The following PANK1 variants were observed in gnomAD, a reference collection of about 807,000 sequenced individuals.
The protein encoded by PANK1 is pantothenic acid kinase 1.
PANK1 carries 18 observed loss-of-function variants against 40.1 expected under a neutral mutation model. The observed-to-expected ratio is 0.45, with a 90% confidence interval of 0.31 to 0.67. The LOEUF is 0.67. PANK1 is among the 30% of genes least tolerant of loss of function. PANK1 has a pLI of 0.06. For missense variants in PANK1, 457 were observed against 599.6 expected, an observed-to-expected ratio of 0.76 and a Z score of 2.48; for synonymous variants, 242 against 237.7, an observed-to-expected ratio of 1.02 and a Z score of -0.17.
chr10:89,601,299 A>G (rs1207594381), intron 2 of PANK1, among the ~76,000 whole-genome samples: 2 of 134,298 alleles, frequency 1.5e-5, no homozygotes, highest in Non-Finnish European at 1.6e-5. Flanking sequence ...ATATACGGAG[A>G]CCCATCTCTT....
intron 5 of PANK1, among the ~76,000 whole-genome samples, chr10:89,592,155 C>T (rs995439768): frequency 2.6e-5 from 4 of 152,172 alleles, no homozygotes; most frequent in Admixed American, 6.5e-5. Context: ...ATTTAAACTC[C>T]GTCTGAACTG....
Position 89,643,665 on chromosome 10 carries a change from T to C in PANK1, c.292+935A>G, listed in dbSNP as rs760228531. 6 of 1,526,554 alleles carry C rather than the reference T, an allele frequency of 3.9e-6. No individual in the cohort carries two copies. The African/African-American group carries it at 8.2e-5, about 21-fold the overall frequency. 94.6% of individuals were successfully genotyped at this position (1,526,554 alleles called of 1,614,324 possible). ...TCGAACAGCATAACCTCTATGCAAA[T>C]GCAGTCATTTATTAGCATTTACTGT... On this transcript the variant is annotated intron_variant, in intron 1 of 6. Coordinates refer to ENST00000307534, the MANE Select transcript of PANK1 (RefSeq NM_148977.3).
At chr10:89,602,262 A>G (rs1207025155) in intron 2 of PANK1, among the ~76,000 whole-genome samples, 1 of 152,168 alleles carries the variant, frequency 6.6e-6, no homozygotes, top group Admixed American at 6.5e-5. Flanking sequence ...GTACTAGAAA[A>G]GAAACATCAT....
rs751662833 is a variant in PANK1, at chr10:89,592,575, T to C, written c.1200+622A>G. Among the ~76,000 whole-genome samples the C allele has an allele frequency of 3.9e-4, 60 of 152,240 alleles. 1 individual carries two copies. Among genetic ancestry groups the C allele is most frequent in the Admixed American group, 5.2e-4 (8 of 15,280 alleles). On this transcript the variant is annotated intron_variant, in intron 5 of 6. Coordinates refer to ENST00000307534, the MANE Select transcript of PANK1 (RefSeq NM_148977.3). Reference sequence around the variant, plus strand: ...CAACTCCTCTTTCCTGTCTTTCTAATATACCTCAGTGTGAAGAGTTCTACT... The same window carrying C: ...CAACTCCTCTTTCCTGTCTTTCTAACATACCTCAGTGTGAAGAGTTCTACT...
Position 89,644,657 on chromosome 10 carries a change from G to C in PANK1, c.235C>G (p.Pro79Ala), listed in dbSNP as rs1241658808. The change falls in exon 1 of 7, where the codon CCG (proline) becomes GCG (alanine). Residue 79 changes from proline (P) to alanine (A), a missense_variant. Around this residue, in one of 4 missense-constraint regions of PANK1, gnomAD observed 144 missense variants for 131.2 expected, o/e 1.10. Transcript: ENST00000307534. ...CTCCGCAGCCGGCATTTCTTGGCCG[G>C]GGAGTCATGCTGAGGGAGCAGTGGC... ...PQPLLPQHDS[P>A]AKKCRLRRRM... 98 of 1,578,636 alleles carry C rather than the reference G, an allele frequency of 6.2e-5. No homozygotes were observed. The highest frequency in any genetic ancestry group is 8.1e-5 in the Non-Finnish European group (95 of 1,168,406).
Position 89,607,727 on chromosome 10 carries a change from A to C in PANK1, c.645+3969T>G, listed in dbSNP as rs112428118. On this transcript the variant is annotated intron_variant, in intron 2 of 6. Transcript: ENST00000307534. ...AAGTTAGGAAGTGTGGTTGGGAATA[A>C]AAATACTAGAATCTGTACATAAAAT... 4.3e-3 allele frequency among the ~76,000 whole-genome samples: 648 copies of C among 152,354 alleles called. 1 individual carries two copies. Among genetic ancestry groups the C allele is most frequent in the African/African-American group, 0.015 (606 of 41,578 alleles).
chr10:89,643,789 T>C (rs1289602001), intron 1 of PANK1: 1 of 1,610,070 alleles, frequency 6.2e-7, no homozygotes, highest in Non-Finnish European at 8.5e-7. Flanking sequence ...AGCTGTAAAC[T>C]CGACCTACAA....
At chr10:89,633,179 A>G (rs890261899) in intron 1 of PANK1, among the ~76,000 whole-genome samples, 1 of 152,142 alleles carries the variant, frequency 6.6e-6, no homozygotes, top group Non-Finnish European at 1.5e-5. Flanking sequence ...AGTTATCAGC[A>G]TAAGGATACT....
chr10:89,593,342 G>A (rs758636365), intron 4 of PANK1, 22 bp from the exon 5 acceptor site: 2 of 1,611,816 alleles, frequency 1.2e-6, no homozygotes, highest in South Asian at 2.2e-5. Context: ...ATATCAGCGA[G>A]AGTGTTCAAA....
chr10:89,581,426 ATTTT>A (rs1421699616), downstream of PANK1: 3 of 111,892 alleles, frequency 2.7e-5, no homozygotes, highest in African/African-American at 7.8e-5. Context: ...TTATTTATTT[ATTTT>A]ATTTTTTTGA....
chr10:89,622,784 C>T (rs1395914289), intron 1 of PANK1, among the ~76,000 whole-genome samples: 1 of 151,372 alleles, frequency 6.6e-6, no homozygotes, highest in East Asian at 1.9e-4. Context: ...TTGCAGTGAG[C>T]TGAGGTCGTG....
intron 2 of PANK1, among the ~76,000 whole-genome samples, chr10:89,604,075 C>A (rs1053845400): frequency 1.3e-5 from 2 of 152,042 alleles, no homozygotes; most frequent in African/African-American, 4.8e-5. Context: ...ATAAGAAAAG[C>A]CAATTCTTAA....
intron 1 of PANK1, among the ~76,000 whole-genome samples, chr10:89,620,071 C>A (rs528565120): frequency 1.3e-5 from 2 of 152,034 alleles, no homozygotes; most frequent in African/African-American, 4.8e-5. Flanking sequence ...ATTTCCTATG[C>A]GTCTTTAATC....
intron 6 of PANK1, among the ~76,000 whole-genome samples, 175 bp downstream of exon 6, chr10:89,588,477 G>A (rs1223927025): frequency 6.6e-6 from 1 of 152,066 alleles, no homozygotes; most frequent in Non-Finnish European, 1.5e-5. Flanking sequence ...CCTGGTTGTT[G>A]GATAAGAACG....
chr10:89,605,124 A>G (rs538598924), intron 2 of PANK1, among the ~76,000 whole-genome samples: 1 of 152,166 alleles, frequency 6.6e-6, no homozygotes, highest in East Asian at 1.9e-4. Flanking sequence ...AAAAATGCGA[A>G]TCATCTGAGC....
chr10:89,643,850 T>C (rs565375198), intron 1 of PANK1: 113 of 1,536,512 alleles, frequency 7.4e-5, no homozygotes, highest in South Asian at 2.9e-4. Flanking sequence ...CAAACTACCA[T>C]TATATATACA....
At chr10:89,599,622 T>G (rs747388749) in intron 2 of PANK1, 117 bp from the exon 3 acceptor site, 93 of 983,542 alleles carry the variant, frequency 9.5e-5, no homozygotes, top group Non-Finnish European at 1.3e-4. Flanking sequence ...GAGACACCCT[T>G]AAAACAAGTT....
At chr10:89,622,292 C>T (rs1845509607) in intron 1 of PANK1, among the ~76,000 whole-genome samples, 1 of 152,170 alleles carries the variant, frequency 6.6e-6, no homozygotes. Context: ...AAATTTGAGT[C>T]ATGGGTTCTT....
chr10:89,627,581 C>T (rs963059004), intron 1 of PANK1, among the ~76,000 whole-genome samples: 9 of 152,246 alleles, frequency 5.9e-5, no homozygotes, highest in African/African-American at 1.2e-4. Flanking sequence ...AGTCAGGATG[C>T]GGCAATGAGC....
Sources: gnomAD v4.1 joint callset for allele counts (sites outside exome capture counted in the v4.1 genomes callset) on GRCh38, gnomAD v4.1.1 for gene constraint, gnomAD v4.1.1 regional missense constraint, MANE v1.5 for transcripts, NCBI Gene and HGNC (gene_info 2026-07-23, HGNC 2026-07-21) for gene names.